The following OPN5 variants were observed in gnomAD, a reference collection of about 807,000 sequenced individuals.
The protein encoded by OPN5 is opsin 5.
A neutral mutation model predicts 41.7 loss-of-function variants in OPN5; 18 were observed. The ratio of observed to expected loss-of-function variants is 0.43; its 90% CI spans 0.30 to 0.64. The LOEUF (loss-of-function observed/expected upper bound fraction) is 0.64, where lower values mean the gene tolerates loss of function less well. OPN5 is among the 30% of genes least tolerant of loss of function. The probability of loss-of-function intolerance (pLI) is 0.13; values close to 1 mark genes in which losing one functional copy is unlikely to be tolerated. For missense variants in OPN5, 318 were observed against 434.5 expected (o/e 0.73, Z 2.38); for synonymous variants, 178 against 164.3 (o/e 1.08, Z -0.64).
At chr6:47,804,228 G>A (rs969003218) in intron 4 of OPN5, among the ~76,000 whole-genome samples, 2 of 151,882 alleles carry the variant, frequency 1.3e-5, no homozygotes, top group Admixed American at 6.6e-5. Flanking sequence ...GTGAATTTCC[G>A]CCCACAAAAA....
chr6:47,795,712 C>G, intron 4 of OPN5, 149 bp downstream of exon 4: 1 of 610,974 alleles, frequency 1.6e-6, no homozygotes, highest in East Asian at 2.8e-5. Context: ...CTAAGCCTTT[C>G]TTTGTGGTAT....
chr6:47,792,362 A>G (rs1303776913), intron 3 of OPN5, among the ~76,000 whole-genome samples: 1 of 152,234 alleles, frequency 6.6e-6, no homozygotes, highest in Non-Finnish European at 1.5e-5. Context: ...GCTGTTTAAG[A>G]TTCTCCCTTA....
At chr6:47,795,161 CAT>C in intron 3 of OPN5, 66 bp from the exon 4 acceptor site, 3 of 1,145,856 alleles carry the variant, frequency 2.6e-6, no homozygotes, top group Non-Finnish European at 3.6e-6. Flanking sequence ...TGGAATTTGA[CAT>C]ATCGAGGGGA....
intron 6 of OPN5, among the ~76,000 whole-genome samples, chr6:47,821,778 A>G (rs967678365): frequency 5.3e-5 from 8 of 152,134 alleles, no homozygotes; most frequent in African/African-American, 9.7e-5. Flanking sequence ...CACCTCATAC[A>G]TCCGACTGTC....
intron 3 of OPN5, among the ~76,000 whole-genome samples, chr6:47,792,684 T>A (rs1773417317): frequency 1.3e-5 from 2 of 152,188 alleles, no homozygotes; most frequent in Non-Finnish European, 2.9e-5. Context: ...TGCATTTGGG[T>A]CTTTAAGTTT....
intron 4 of OPN5, among the ~76,000 whole-genome samples, chr6:47,803,075 G>A (rs1773835540): frequency 6.6e-6 from 1 of 152,210 alleles, no homozygotes; most frequent in African/African-American, 2.4e-5. Flanking sequence ...TATGGAGGAA[G>A]GTTTAGGATA....
chr6:47,789,231 C>A (rs1216548720), intron 2 of OPN5, among the ~76,000 whole-genome samples: 2 of 152,164 alleles, frequency 1.3e-5, no homozygotes, highest in African/African-American at 4.8e-5. Context: ...TATTTGACTT[C>A]TTTCCCACTG....
intron 6 of OPN5, among the ~76,000 whole-genome samples, chr6:47,820,133 T>TAGAGAGAGAGAGAGAG (rs5876036): frequency 6.7e-6 from 1 of 149,384 alleles, no homozygotes; most frequent in African/African-American, 2.5e-5. Context: ...TCCTTTTGAA[T>TAGAGAGAGAGAGAGAG]AGAGAGAGAG....
chr6:47,805,777 T>C (rs369427424), intron 4 of OPN5, among the ~76,000 whole-genome samples: 80 of 152,360 alleles, frequency 5.3e-4, no homozygotes, highest in African/African-American at 1.9e-3. Context: ...AAACATTGTA[T>C]GTCTCACTCC....
chr6:47,821,367 G>A (rs1411598378), intron 6 of OPN5, among the ~76,000 whole-genome samples: 1 of 152,218 alleles, frequency 6.6e-6, no homozygotes, highest in African/African-American at 2.4e-5. Context: ...GGAACCCAAG[G>A]ACATGAAGAG....
At chr6:47,803,331 G>A (rs9473190) in intron 4 of OPN5, among the ~76,000 whole-genome samples, 20,371 of 152,092 alleles carry the variant, frequency 0.13, 1,460 homozygotes, top group Middle Eastern at 0.15. Flanking sequence ...ATACGTGGAA[G>A]GTAGTAGTCT....
intron 2 of OPN5, among the ~76,000 whole-genome samples, chr6:47,789,725 T>C (rs1773307633): frequency 6.6e-6 from 1 of 152,184 alleles, no homozygotes; most frequent in Admixed American, 6.5e-5. Context: ...TTCACCGAAC[T>C]AACAGGAACT....
chr6:47,785,539 C>T (rs1773171792), intron 1 of OPN5, among the ~76,000 whole-genome samples: 1 of 152,138 alleles, frequency 6.6e-6, no homozygotes, highest in Non-Finnish European at 1.5e-5. Context: ...TAATACTCTC[C>T]TTATTCCTTA....
chr6:47,808,341 G>C (rs1299232653), exon 5 of OPN5: 1 of 1,614,032 alleles, frequency 6.2e-7, no homozygotes, highest in Non-Finnish European at 8.5e-7. Context: ...AAATTTGCCT[G>C]TTGCCAAACT....
At position 47,806,022 on chromosome 6, in the gene OPN5, A is replaced by G. The variant is rs577554963; in HGVS notation, c.757-2132A>G. Among the ~76,000 whole-genome samples the G allele has an allele frequency of 4.6e-5, 7 of 152,104 alleles. No homozygotes were observed. The South Asian group carries it at 1.5e-3, about 32-fold the overall frequency. On this transcript the variant is annotated intron_variant, in intron 4 of 6. Transcript: ENST00000371211. ...TCTATTCCTATTATTGTAGCCAGGA[A>G]TGTGTAGTCCTCTGCTTGGTCAGAC... is the stretch of plus-strand genomic sequence containing the variant.
chr6:47,821,521 A>T (rs941760812), intron 6 of OPN5, among the ~76,000 whole-genome samples: 1 of 152,272 alleles, frequency 6.6e-6, no homozygotes, highest in East Asian at 1.9e-4. Context: ...GACGGAAAGG[A>T]TTCAATTCAC....
intron 6 of OPN5, among the ~76,000 whole-genome samples, chr6:47,818,599 CT>C (rs1450949592): frequency 1.3e-5 from 2 of 152,150 alleles, no homozygotes; most frequent in African/African-American, 2.4e-5. Flanking sequence ...ACAGATGAGG[CT>C]CTTAGCTCAG....
At chr6:47,813,677 T>C (rs1256600161) in intron 6 of OPN5, among the ~76,000 whole-genome samples, 2 of 152,234 alleles carry the variant, frequency 1.3e-5, no homozygotes, top group East Asian at 1.9e-4. Context: ...AGATTAGAGG[T>C]TGGCAGACCA....
At chr6:47,822,101 C>A (rs1314567596) in intron 6 of OPN5, among the ~76,000 whole-genome samples, 5 of 138,278 alleles carry the variant, frequency 3.6e-5, no homozygotes, top group Admixed American at 2.9e-4. Flanking sequence ...GACAGTGAGA[C>A]TCTGTCTCAA....
Sources: allele counts gnomAD v4.1 joint callset (sites outside exome capture counted in the v4.1 genomes callset), GRCh38; gene constraint gnomAD v4.1.1; transcripts MANE v1.5; gene names NCBI Gene and HGNC (gene_info 2026-07-23, HGNC 2026-07-21).